Variants in C10orf88 observed in about 807,000 individuals in gnomAD.
C10orf88 encodes the protein chromosome 10 open reading frame 88.
In C10orf88, 29 loss-of-function variants were observed where a neutral mutation model predicts 34.2. The observed-to-expected ratio is 0.85, with a 90% CI of 0.63 to 1.16. C10orf88 has a LOEUF of 1.16. Among genes scored for constraint, C10orf88 ranks in the 50% most tolerant of loss-of-function variants. The probability of loss-of-function intolerance (pLI) is 0.00; values close to 1 mark genes in which losing one functional copy is unlikely to be tolerated. For missense variants in C10orf88, 507 were observed against 533.2 expected, an observed-to-expected ratio of 0.95 and a Z score of 0.48; for synonymous variants, 194 against 197.4, an observed-to-expected ratio of 0.98 and a Z score of 0.15.
intron 4 of C10orf88, among the ~76,000 whole-genome samples, chr10:122,947,358 C>A (rs1409954329): frequency 1.3e-5 from 2 of 152,144 alleles, no homozygotes; most frequent in Non-Finnish European, 2.9e-5. Flanking sequence ...CACATCAATT[C>A]TGTGATCCTT....
In C10orf88 at chr10:122,954,100, G is replaced by T; in HGVS notation, c.79C>A (p.Leu27Met). Residue 27 changes from leucine (L) to methionine (M), a missense_variant, in exon 1 of 6, where the codon CTG becomes ATG. Coordinates refer to ENST00000481909, the MANE Select transcript of C10orf88 (RefSeq NM_024942.4). Reference sequence around the variant, plus strand: ...CGGGTGAGGAGGAGGCTGTGGGTCAGGGCCCCGCCTGCAACATCCCAAGAA... The same window carrying T: ...CGGGTGAGGAGGAGGCTGTGGGTCATGGCCCCGCCTGCAACATCCCAAGAA... Reference protein sequence around the residue: ...ASSWDVAGGALTHSLLLTRAG... With the variant: ...ASSWDVAGGAMTHSLLLTRAG... The T allele has an allele frequency of 6.3e-7, 1 of 1,581,542 alleles. No homozygotes were observed.
intron 3 of C10orf88, among the ~76,000 whole-genome samples, chr10:122,950,203 G>A (rs1848678232): frequency 6.6e-6 from 1 of 152,218 alleles, no homozygotes; most frequent in Admixed American, 6.5e-5. Context: ...ATAAAAATGA[G>A]AGAAGACAGT....
intron 5 of C10orf88, among the ~76,000 whole-genome samples, chr10:122,934,549 G>A (rs11248342): frequency 0.014 from 2,197 of 152,206 alleles, 33 homozygotes; most frequent in East Asian, 0.072. Flanking sequence ...AGGTACCATA[G>A]TTTAACCATT....
At chr10:122,940,495 C>T (rs1394538464) in intron 4 of C10orf88, among the ~76,000 whole-genome samples, 1 of 151,950 alleles carries the variant, frequency 6.6e-6, no homozygotes, top group African/African-American at 2.4e-5. Flanking sequence ...ACAACAGTGT[C>T]TATAGTTAAC....
intron 5 of C10orf88, among the ~76,000 whole-genome samples, chr10:122,935,735 CTG>C (rs1373604768): frequency 1.3e-5 from 2 of 151,758 alleles, no homozygotes; most frequent in African/African-American, 4.8e-5. Flanking sequence ...TTTTACTATG[CTG>C]TGTCTTCAAA....
At position 122,938,109 on chromosome 10, in the gene C10orf88, T is replaced by C. The variant is rs1420025536; in HGVS notation, c.699A>G (p.Gly233=). ...EQLQSVLGNS[G]YKHMIGLQSS... is the part of the protein sequence containing the mutation. ...ATTGTAGTCCAATCATATGCTTGTA[T>C]CCAGAATTGCCCAACACCGACTGAA... is the stretch of plus-strand genomic sequence containing the variant. The change falls in exon 5 of 6, where the codon GGA becomes GGG. Residue 233 remains glycine, a synonymous_variant. Transcript: ENST00000481909. 2 of 1,612,150 alleles carry C rather than the reference T, an allele frequency of 1.2e-6. No homozygotes were observed. The highest frequency in any genetic ancestry group is 1.7e-6 in the Non-Finnish European group (2 of 1,178,740).
At chr10:122,948,317 T>C (rs1752349266) in intron 4 of C10orf88, among the ~76,000 whole-genome samples, 1 of 152,190 alleles carries the variant, frequency 6.6e-6, no homozygotes, top group Admixed American at 6.5e-5. Flanking sequence ...GTTTTCATCA[T>C]TCCCCACTTA....
At chr10:122,951,396 G>A (rs1417262865) in intron 3 of C10orf88, among the ~76,000 whole-genome samples, 1 of 151,728 alleles carries the variant, frequency 6.6e-6, no homozygotes, top group African/African-American at 2.4e-5. Flanking sequence ...TTAGTGAGAT[G>A]GGGTTTCACT....
In C10orf88 at chr10:122,954,066, A is replaced by C. The variant is rs1451843708; in HGVS notation, c.113T>G (p.Leu38Arg). Residue 38 changes from leucine (L) to arginine (R), a missense_variant, in exon 1 of 6, where the codon CTC (leucine) becomes CGC (arginine). Leu to Arg is a moderately radical substitution (Grantham distance 102). Coordinates refer to ENST00000481909, the MANE Select transcript of C10orf88 (RefSeq NM_024942.4). The stretch of plus-strand genomic sequence containing the variant: ...CTCCCAGTCGAAGTCACCGGGGCCG[A>C]GACCGGCCCGGGTGAGGAGGAGGCT... ...THSLLLTRAG[L>R]GPGDFDWEEL... 3.9e-6 allele frequency: 6 copies of C among 1,552,628 alleles called. No individual in the cohort carries two copies. In the Admixed American group the frequency reaches 1.1e-4, roughly 29 times the overall value.
intron 2 of C10orf88, among the ~76,000 whole-genome samples, 174 bp from the exon 3 acceptor site, chr10:122,952,200 C>T (rs1230003555): frequency 1.3e-5 from 2 of 152,160 alleles, no homozygotes; most frequent in South Asian, 2.1e-4. Context: ...ATTACATCTA[C>T]CACTTACTAG....
Position 122,948,826 on chromosome 10 carries a change from C to T in C10orf88, c.471G>A (p.Val157=), listed in dbSNP as rs1296814735. The T allele has an allele frequency of 4.3e-6, 7 of 1,612,906 alleles. No individual in the cohort carries two copies. Among genetic ancestry groups the T allele is most frequent in the African/African-American group, 1.3e-5 (1 of 74,908 alleles). The change falls in exon 4 of 6, where the codon GTG becomes GTA. Residue 157 remains valine (V), a synonymous_variant. Transcript: ENST00000481909. ...KLLSFGERQC[V]FISKVVVHMR... ...TGTGTACCACAACTTTACTGATGAA[C>T]ACACACTGCCTTTCGCCAAAGGAGA...
At chr10:122,953,741 G>A (rs769114118) in intron 1 of C10orf88, among the ~76,000 whole-genome samples, 1 of 148,884 alleles carries the variant, frequency 6.7e-6, no homozygotes, top group Non-Finnish European at 1.5e-5. Context: ...CAGCAGCCCT[G>A]AGGGGCTATC....
chr10:122,936,273 T>C (rs1261011947), intron 5 of C10orf88, among the ~76,000 whole-genome samples: 1 of 151,926 alleles, frequency 6.6e-6, no homozygotes, highest in Non-Finnish European at 1.5e-5. Flanking sequence ...CCCTCCCTTG[T>C]TATCTTTTAA....
chr10:122,938,112 A>G lies in C10orf88; in HGVS notation c.696T>C (p.Ser232=). The G allele has an allele frequency of 1.9e-6, 3 of 1,611,744 alleles. No homozygotes were observed. Among genetic ancestry groups the G allele is most frequent in the Non-Finnish European group, 2.5e-6 (3 of 1,178,464 alleles). ...GTAGTCCAATCATATGCTTGTATCC[A>G]GAATTGCCCAACACCGACTGAAGCT... The part of the protein sequence containing the change: ...GEQLQSVLGN[S]GYKHMIGLQS... The change falls in exon 5 of 6, where the codon TCT becomes TCC. Residue 232 remains serine, a synonymous_variant. Transcript: ENST00000481909.
In C10orf88 at chr10:122,937,918, A is replaced by T; in HGVS notation, c.890T>A (p.Met297Lys). The change falls in exon 5 of 6, where the codon ATG becomes AAG. Residue 297 changes from methionine (M) to lysine (K), a missense_variant. Coordinates refer to ENST00000481909, the MANE Select transcript of C10orf88 (RefSeq NM_024942.4). Reference protein sequence around the residue: ...NSTKLDECKVMPQNHSFLEND... With the variant: ...NSTKLDECKVKPQNHSFLEND... ...TTCAAGAAAGGAATGGTTTTGAGGCATAACTTTACACTCATCAAGCTTGGT... is the reference window on the plus strand; with the variant it reads ...TTCAAGAAAGGAATGGTTTTGAGGCTTAACTTTACACTCATCAAGCTTGGT... The T allele has an allele frequency of 6.2e-7, 1 of 1,613,394 alleles. No individual in the cohort carries two copies. Among genetic ancestry groups the T allele is most frequent in the South Asian group, 1.1e-5 (1 of 91,054 alleles).
chr10:122,942,358 T>A (rs1360117378), intron 4 of C10orf88, among the ~76,000 whole-genome samples: 3 of 152,194 alleles, frequency 2.0e-5, no homozygotes, highest in African/African-American at 7.2e-5. Flanking sequence ...AAATTAGGTA[T>A]TGATAGGACA....
At chr10:122,934,822 G>C (rs1589693540) in intron 5 of C10orf88, among the ~76,000 whole-genome samples, 1 of 151,942 alleles carries the variant, frequency 6.6e-6, no homozygotes, top group African/African-American at 2.4e-5. Flanking sequence ...TCAGCATTTG[G>C]TATTGTTACC....
At chr10:122,953,939 C>T in intron 1 of C10orf88, 76 bp downstream of exon 1, 1 of 1,392,140 alleles carries the variant, frequency 7.2e-7, no homozygotes, top group East Asian at 3.0e-5. Context: ...CAGACCCTCT[C>T]GCCTCCCCTC....
In C10orf88 at chr10:122,948,725, G is replaced by A. The variant is rs1423321492; in HGVS notation, c.572C>T (p.Thr191Ile). Reference sequence around the variant, plus strand: ...CTTTGACCCCATGGACTCCATTATGGTTTGGACCTTGTCAAGGTCTATCCT... The same window carrying A: ...CTTTGACCCCATGGACTCCATTATGATTTGGACCTTGTCAAGGTCTATCCT... ...GSRIDLDKVQ[T>I]IMESMGSKLS... The change falls in exon 4 of 6, where the codon ACC (threonine) becomes ATC (isoleucine). Residue 191 changes from threonine (T) to isoleucine (I), a missense_variant. Physicochemically the swap from Thr to Ile is moderately conservative, Grantham distance 89. Coordinates refer to ENST00000481909, the MANE Select transcript of C10orf88 (RefSeq NM_024942.4). 6.2e-7 allele frequency: 1 copy of A among 1,613,940 alleles called. No homozygotes were observed. The highest frequency in any genetic ancestry group is 1.7e-5 in the Admixed American group (1 of 59,990).
Sources: gnomAD v4.1 joint callset for allele counts (sites outside exome capture counted in the v4.1 genomes callset) on GRCh38, gnomAD v4.1.1 for gene constraint, MANE v1.5 for transcripts, NCBI Gene and HGNC (gene_info 2026-07-23, HGNC 2026-07-21) for gene names.